The following STAT5B variants were observed in gnomAD, a reference collection of about 807,000 sequenced individuals.
STAT5B encodes transcription factor STAT5B.
Under a neutral mutation model 107.8 loss-of-function variants are expected in STAT5B, and 21 were observed. The ratio of observed to expected loss-of-function variants is 0.19; its 90% CI spans 0.14 to 0.28. STAT5B has a LOEUF of 0.28. STAT5B is among the 10% of genes least tolerant of loss of function. STAT5B has a pLI of 1.00. For missense variants in STAT5B, 565 were observed against 1,008.2 expected (o/e 0.56, Z 5.95); for synonymous variants, 325 against 401.7 (o/e 0.81, Z 2.28).
intron 5 of STAT5B, among the ~76,000 whole-genome samples, chr17:42,220,119 C>T (rs1321253287): frequency 6.6e-6 from 1 of 152,176 alleles, no homozygotes; most frequent in African/African-American, 2.4e-5. Context: ...GCCTCCTGCC[C>T]GCCTGCCTCA....
intron 1 of STAT5B, among the ~76,000 whole-genome samples, chr17:42,243,556 C>CG (rs1269880107): frequency 2.6e-5 from 4 of 152,072 alleles, no homozygotes; most frequent in African/African-American, 9.7e-5. Context: ...GCAGGAGAAA[C>CG]GGAAGAGTGA....
At chr17:42,285,332 T>A in the STAT5B span, among the ~76,000 whole-genome samples, 1 of 152,200 alleles carries the variant, frequency 6.6e-6, no homozygotes, top group Non-Finnish European at 1.5e-5. Context: ...CCTCAAGTGA[T>A]CCTCCCACCT....
intron 13 of STAT5B, among the ~76,000 whole-genome samples, 184 bp downstream of exon 13, chr17:42,211,800 A>C (rs928601283): frequency 6.6e-6 from 1 of 152,240 alleles, no homozygotes; most frequent in Non-Finnish European, 1.5e-5. Context: ...TAAAATATGC[A>C]AAGATGTAAT....
Position 42,263,881 on chromosome 17 carries a change from A to G in STAT5B, c.-11+12367T>C, listed in dbSNP as rs866559431. 4.1e-3 allele frequency among the ~76,000 whole-genome samples: 623 copies of G among 150,776 alleles called. 5 individuals are homozygous for G. The highest frequency in any genetic ancestry group is 0.014 in the African/African-American group (588 of 40,988). ...GATACTAGAAAGCGCGCACACACAC[A>G]CACACACACACACACACACACACAC... On this transcript the variant is annotated intron_variant, in intron 1 of 18. Transcript: ENST00000293328.
chr17:42,210,423 G>A lies in STAT5B; in HGVS notation c.1755C>T (p.Leu585=), dbSNP rs572365056. Residue 585 remains leucine (L), a synonymous_variant, in exon 14 of 19, where the codon CTC becomes CTT. Coordinates refer to ENST00000293328, the MANE Select transcript of STAT5B (RefSeq NM_012448.4). ...DGVMEVLKKH[L]KPHWNDGAIL... is the part of the protein sequence containing the mutation. ...CTCACCCATCATTCCAATGAGGCTT[G>A]AGATGTTTTTTTAACACTTCCATCA... is the stretch of plus-strand genomic sequence containing the variant. 63 of 1,614,150 alleles carry A rather than the reference G, an allele frequency of 3.9e-5. No individual in the cohort carries two copies. In the Middle Eastern group the frequency reaches 6.6e-4, roughly 17 times the overall value.
chr17:42,276,742 G>C (rs1263261834), upstream of STAT5B: 2 of 152,202 alleles, frequency 1.3e-5, no homozygotes, highest in East Asian at 1.9e-4. The surrounding 1 kb of genome is among the most constrained non-coding windows in gnomAD (Gnocchi z 4.8). Context: ...GGGCTAGGGC[G>C]CACTGTCGTG....
At chr17:42,255,115 G>A (rs939509775) in intron 1 of STAT5B, among the ~76,000 whole-genome samples, 4 of 152,100 alleles carry the variant, frequency 2.6e-5, no homozygotes, top group African/African-American at 9.7e-5. Context: ...CTTAACTGTC[G>A]TTTCTTAATG....
intron 9 of STAT5B, 185 bp downstream of exon 9, chr17:42,217,966 A>G (rs1468036709): frequency 1.9e-6 from 2 of 1,030,956 alleles, no homozygotes; most frequent in East Asian, 5.3e-5. Flanking sequence ...TCGGCCTCTT[A>G]AAGTGCTTGG....
chr17:42,201,061 AAGAG>A lies in STAT5B; in HGVS notation c.*673_*676del. On this transcript the variant is annotated 3_prime_UTR_variant, in exon 19 of 19. Transcript: ENST00000293328. ...GGCGGGCAGGAGGGGAGAGAGGACA[AAGAG>A]AGAATAAGATGAGCTAAATGTTTTG... is the stretch of plus-strand genomic sequence containing the variant. 2.5e-6 allele frequency: 1 copy of A among 401,782 alleles called. No individual in the cohort carries two copies. Among genetic ancestry groups the A allele is most frequent in the South Asian group, 1.2e-4 (1 of 8,106 alleles). 24.9% of individuals were successfully genotyped at this position (401,782 alleles called of 1,614,324 possible).
upstream of STAT5B, among the ~76,000 whole-genome samples, chr17:42,278,092 A>T (rs2080778910): frequency 6.6e-6 from 1 of 152,252 alleles, no homozygotes; most frequent in Non-Finnish European, 1.5e-5. Context: ...ATCCCTGCAC[A>T]CATGCTATTC....
At chr17:42,216,217 A>T in intron 11 of STAT5B, 111 bp from the exon 12 acceptor site, 8 of 945,334 alleles carry the variant, frequency 8.5e-6, no homozygotes, top group Non-Finnish European at 1.3e-5. Context: ...GTTTCAGTTA[A>T]TGTTCCTCTC....
At chr17:42,231,840 A>G (rs2144296170) in intron 2 of STAT5B, among the ~76,000 whole-genome samples, 160 bp downstream of exon 2, 1 of 152,308 alleles carries the variant, frequency 6.6e-6, no homozygotes, top group Middle Eastern at 3.4e-3. Context: ...AATACCTTTC[A>G]CCTATAAAAA....
intron 5 of STAT5B, among the ~76,000 whole-genome samples, chr17:42,221,804 T>C (rs1159300685): frequency 6.6e-6 from 1 of 152,238 alleles, no homozygotes; most frequent in East Asian, 1.9e-4. Context: ...TTCTCAAAGA[T>C]TTATATTCCA....
chr17:42,279,559 G>A (rs1172521507), upstream of STAT5B, among the ~76,000 whole-genome samples: 8 of 152,144 alleles, frequency 5.3e-5, no homozygotes, highest in Non-Finnish European at 8.8e-5. Flanking sequence ...AGGCCGAGGC[G>A]GGTGGATCAC....
chr17:42,255,148 G>A (rs946960016), intron 1 of STAT5B, among the ~76,000 whole-genome samples: 1 of 152,110 alleles, frequency 6.6e-6, no homozygotes, highest in Non-Finnish European at 1.5e-5. Context: ...AACCTCCCCT[G>A]CAGCTGAGGT....
rs917004162 is a variant in STAT5B, at chr17:42,231,954, T to C, written c.128+46A>G. ...ACATCTTTCTAAACAAACTCCAATA[T>C]TCTTGTGTTTCACAAAATATGATGC... is the stretch of plus-strand genomic sequence containing the variant. On this transcript the variant is annotated intron_variant, in intron 2 of 18. Coordinates refer to ENST00000293328, the MANE Select transcript of STAT5B (RefSeq NM_012448.4). 10 of 1,611,778 alleles carry C rather than the reference T, an allele frequency of 6.2e-6. No individual in the cohort carries two copies. In the East Asian group the frequency reaches 8.9e-5, roughly 14 times the overall value.
intron 1 of STAT5B, among the ~76,000 whole-genome samples, chr17:42,268,317 A>ACAGT (rs2080691778): frequency 6.6e-6 from 1 of 152,176 alleles, no homozygotes; most frequent in Non-Finnish European, 1.5e-5. Context: ...AGTACTCAAT[A>ACAGT]CAGTATACAT....
intron 1 of STAT5B, among the ~76,000 whole-genome samples, chr17:42,236,002 AATTTT>A (rs2080354105): frequency 6.6e-6 from 1 of 152,146 alleles, no homozygotes; most frequent in Admixed American, 6.6e-5. Context: ...TTTTGCCTTA[AATTTT>A]AGATTATTTC....
At chr17:42,284,404 C>T in the STAT5B span, among the ~76,000 whole-genome samples, 1 of 152,050 alleles carries the variant, frequency 6.6e-6, no homozygotes, top group East Asian at 1.9e-4. Flanking sequence ...GTAGCTGGGA[C>T]TACAGGTGTG....
Sources: allele counts gnomAD v4.1 joint callset (sites outside exome capture counted in the v4.1 genomes callset), GRCh38; gene constraint gnomAD v4.1.1; non-coding constraint Gnocchi (gnomAD v3.1); transcripts MANE v1.5; gene names NCBI Gene and HGNC (gene_info 2026-07-23, HGNC 2026-07-21).